The following WWC1 variants were observed in gnomAD, a reference collection of about 807,000 sequenced individuals.
WWC1 encodes WW and C2 domain containing 1, also known as protein KIBRA.
In WWC1, 55 loss-of-function variants were observed where a neutral mutation model predicts 138.4. The observed-to-expected ratio is 0.40, with a 90% confidence interval of 0.32 to 0.50. The LOEUF is 0.50. Ranked by LOEUF, WWC1 falls within the 20% of genes least tolerant of loss-of-function variation. The pLI, the probability that WWC1 is intolerant of heterozygous loss-of-function variation, is 0.72. For missense variants in WWC1, 1,226 were observed against 1,420.4 expected, an observed-to-expected ratio of 0.86 and a Z score of 2.20; for synonymous variants, 524 against 564.9, an observed-to-expected ratio of 0.93 and a Z score of 1.03.
intron 1 of WWC1, among the ~76,000 whole-genome samples, chr5:168,362,654 TGA>T (rs1277851467): frequency 7.9e-5 from 12 of 152,246 alleles, no homozygotes; most frequent in African/African-American, 2.9e-4. Flanking sequence ...TTCTCAGAAC[TGA>T]AATCTTAAAC....
intron 7 of WWC1, among the ~76,000 whole-genome samples, chr5:168,408,907 C>T (rs1414558828): frequency 6.6e-6 from 1 of 152,112 alleles, no homozygotes; most frequent in Non-Finnish European, 1.5e-5. Flanking sequence ...TGGCCAGGTG[C>T]TTGTGTCTCT....
chr5:168,301,081 G>T (rs1329321045), intron 1 of WWC1, among the ~76,000 whole-genome samples: 3 of 152,158 alleles, frequency 2.0e-5, no homozygotes, highest in African/African-American at 7.2e-5. Flanking sequence ...TGTCTTTAAA[G>T]ATCCTTATCC....
At chr5:168,370,898 C>T (rs75270169) in intron 1 of WWC1, among the ~76,000 whole-genome samples, 3 of 152,314 alleles carry the variant, frequency 2.0e-5, no homozygotes, top group East Asian at 1.9e-4. Flanking sequence ...AAATACTGCT[C>T]ATTGGCCAAA....
intron 3 of WWC1, among the ~76,000 whole-genome samples, chr5:168,396,460 T>C (rs1057254409): frequency 1.3e-5 from 2 of 151,434 alleles, no homozygotes; most frequent in African/African-American, 4.9e-5. Context: ...GAAAGAGTGT[T>C]CAGATGGTAG....
chr5:168,429,899 C>T (rs1781810434), intron 13 of WWC1, among the ~76,000 whole-genome samples: 1 of 152,124 alleles, frequency 6.6e-6, no homozygotes, highest in Non-Finnish European at 1.5e-5. Context: ...CATGCCACTG[C>T]ACTCAACCTG....
chr5:168,451,392 GA>G (rs769118854), intron 17 of WWC1, among the ~76,000 whole-genome samples: 1 of 152,140 alleles, frequency 6.6e-6, no homozygotes, highest in Non-Finnish European at 1.5e-5. Flanking sequence ...ATAAATGCAT[GA>G]AGAGTTTCTC....
At chr5:168,405,584 C>T (rs942785269) in intron 5 of WWC1, among the ~76,000 whole-genome samples, 1 of 151,880 alleles carries the variant, frequency 6.6e-6, no homozygotes, top group Non-Finnish European at 1.5e-5. Context: ...CCCGGAGGAC[C>T]CAGGGAAGTA....
In WWC1 at chr5:168,374,679, A is replaced by G. The variant is rs184363515; in HGVS notation, c.229+3146A>G. ...GGGAGTGAGCCATTGGAGAGTTTTA[A>G]ACAGATGAGTAACATGATCTGACTT... On this transcript the variant is annotated intron_variant, in intron 2 of 22. Coordinates refer to ENST00000265293, the MANE Select transcript of WWC1 (RefSeq NM_015238.3). Among the ~76,000 whole-genome samples the G allele has an allele frequency of 4.6e-5, 7 of 152,294 alleles. 1 individual carries two copies. The highest frequency in any genetic ancestry group is 1.4e-4 in the African/African-American group (6 of 41,552).
intron 19 of WWC1, among the ~76,000 whole-genome samples, chr5:168,456,024 A>T (rs537745396): frequency 5.2e-4 from 79 of 152,346 alleles, no homozygotes; most frequent in Non-Finnish European, 1.0e-3. Context: ...AGGCGGCCAG[A>T]TGCAGTGTCT....
At chr5:168,447,773 C>T (rs1044854712) in intron 17 of WWC1, among the ~76,000 whole-genome samples, 7 of 150,536 alleles carry the variant, frequency 4.7e-5, no homozygotes, top group Non-Finnish European at 8.8e-5. Flanking sequence ...CTCTCTCCCC[C>T]TCCTTTTCTC....
chr5:168,406,218 A>C lies in WWC1; in HGVS notation c.611A>C (p.Asp204Ala), dbSNP rs1337892778. ...TLKKIDKKMS[D>A]AQGSYKLDEA... ...CCTAGAATCGATAAGAAAATGTCTG[A>C]TGCTCAGGGCAGCTACAAACTGGAT... is the stretch of plus-strand genomic sequence containing the variant. Residue 204 changes from aspartate to alanine, a missense_variant, in exon 6 of 23, where the codon GAT (aspartate) becomes GCT (alanine). Asp to Ala is a moderately radical substitution (Grantham distance 126). Coordinates refer to ENST00000265293, the MANE Select transcript of WWC1 (RefSeq NM_015238.3). 1.2e-6 allele frequency: 2 copies of C among 1,614,016 alleles called. No individual in the cohort carries two copies. The highest frequency in any genetic ancestry group is 3.3e-5 in the Admixed American group (2 of 60,020).
rs934159895 is a variant in WWC1 at position 168,292,415 on chromosome 5, C to T, written c.119+144C>T. The T allele has an allele frequency of 1.0e-6, 1 of 971,034 alleles. No homozygotes were observed. The highest frequency in any genetic ancestry group is 1.5e-6 in the Non-Finnish European group (1 of 676,674). The allele number at this position is 971,034 out of a possible 1,614,324, so 60.2% of individuals were successfully genotyped here. A position where few individuals can be genotyped will look rare whatever the true frequency, so the allele number is the denominator to read the frequency against. ...TCTTCAGTTCGCCACCCCCTGCTCC[C>T]CCCAACCTTCTGGAGCGCTGCTCCC... On this transcript the variant is annotated intron_variant, in intron 1 of 22. Transcript: ENST00000265293. The surrounding 1 kb of genome is among the most constrained non-coding windows in gnomAD (Gnocchi z 4.4).
chr5:168,371,089 C>T (rs767328646), intron 1 of WWC1, among the ~76,000 whole-genome samples: 3 of 152,184 alleles, frequency 2.0e-5, no homozygotes, highest in Non-Finnish European at 4.4e-5. Flanking sequence ...AAGACTTGAC[C>T]TTAGACCCTT....
chr5:168,464,995 C>T (rs769963998), intron 21 of WWC1, 33 bp downstream of exon 21: 30 of 1,608,422 alleles, frequency 1.9e-5, no homozygotes, highest in Admixed American at 6.7e-5. Context: ...GGGAGCCCTG[C>T]GCTCTGCCCC....
rs747338255 is a variant in WWC1, at chr5:168,299,591, G to A, written c.119+7320G>A. Among the ~76,000 whole-genome samples, 6 of 152,264 alleles carry A rather than the reference G, an allele frequency of 3.9e-5. No individual in the cohort carries two copies. The South Asian group carries it at 1.0e-3, about 26-fold the overall frequency. On this transcript the variant is annotated intron_variant, in intron 1 of 22. Transcript: ENST00000265293. The stretch of plus-strand genomic sequence containing the variant: ...CTCTGTCGCCATCCCTCCCCCTCCC[G>A]GGGAGAGGGCTTATCCAAACTGACC...
chr5:168,409,532 T>A (rs1780063700), intron 7 of WWC1, among the ~76,000 whole-genome samples: 1 of 152,208 alleles, frequency 6.6e-6, no homozygotes, highest in Non-Finnish European at 1.5e-5. Flanking sequence ...AGCCTCTGAG[T>A]TTTCTATGGA....
chr5:168,468,059 C>T, intron 22 of WWC1, 95 bp downstream of exon 22: 1 of 1,555,922 alleles, frequency 6.4e-7, no homozygotes, highest in Non-Finnish European at 8.7e-7. Context: ...ATCCCTTGCT[C>T]ACAGAGCACT....
chr5:168,413,434 GC>G (rs1780370580), intron 8 of WWC1, among the ~76,000 whole-genome samples: 1 of 152,140 alleles, frequency 6.6e-6, no homozygotes, highest in African/African-American at 2.4e-5. Flanking sequence ...GGCTCTTAAT[GC>G]TGTGTTCTCA....
intron 1 of WWC1, among the ~76,000 whole-genome samples, chr5:168,319,313 G>A (rs569888811): frequency 2.0e-5 from 3 of 152,084 alleles, no homozygotes; most frequent in Admixed American, 6.5e-5. Flanking sequence ...CCAGCTCCTC[G>A]GGAGGCCGAG....
Sources: gnomAD v4.1 joint callset for allele counts (sites outside exome capture counted in the v4.1 genomes callset) on GRCh38, gnomAD v4.1.1 for gene constraint, Gnocchi (gnomAD v3.1) non-coding constraint, MANE v1.5 for transcripts, NCBI Gene and HGNC (gene_info 2026-07-23, HGNC 2026-07-21) for gene names.